Variants in ARB2A observed in about 807,000 individuals in gnomAD.
The protein encoded by ARB2A is cotranscriptional regulator ARB2A.
chr5:93,620,185 A>G, the ARB2A span: 2 of 152,240 alleles, frequency 1.3e-5, no homozygotes, highest in African/African-American at 4.8e-5. Flanking sequence ...TCCATTGAAA[A>G]TGGGACCTTC....
the ARB2A span, chr5:93,881,531 T>C: frequency 3.1e-6 from 5 of 1,611,010 alleles, no homozygotes; most frequent in Non-Finnish European, 4.2e-6. Context: ...CTCATAGAAA[T>C]CACGTCGCTT....
the ARB2A span, among the ~76,000 whole-genome samples, chr5:93,974,915 CAAA>C: frequency 6.6e-6 from 1 of 152,046 alleles, no homozygotes; most frequent in East Asian, 1.9e-4. Context: ...AAGTAAAAAT[CAAA>C]AAATTCTTTT....
the ARB2A span, among the ~76,000 whole-genome samples, chr5:93,789,804 C>T: frequency 6.6e-6 from 1 of 152,168 alleles, no homozygotes; most frequent in African/African-American, 2.4e-5. Context: ...CAGAATGCTA[C>T]TAAGAGAACA....
At chr5:93,722,274 C>T in the ARB2A span, among the ~76,000 whole-genome samples, 1 of 152,010 alleles carries the variant, frequency 6.6e-6, no homozygotes, top group African/African-American at 2.4e-5. Flanking sequence ...GTTCAGTGAC[C>T]TAGATAATCT....
At chr5:93,919,579 T>C in the ARB2A span, among the ~76,000 whole-genome samples, 1 of 152,196 alleles carries the variant, frequency 6.6e-6, no homozygotes, top group Non-Finnish European at 1.5e-5. Flanking sequence ...CAATCATTTA[T>C]AGCCCAAATG....
At chr5:93,929,324 A>G in the ARB2A span, among the ~76,000 whole-genome samples, 1 of 152,196 alleles carries the variant, frequency 6.6e-6, no homozygotes, top group Non-Finnish European at 1.5e-5. Flanking sequence ...GGCAAGTAGT[A>G]TGAAGCCAAA....
At chr5:93,955,879 G>C in the ARB2A span, among the ~76,000 whole-genome samples, 5 of 152,160 alleles carry the variant, frequency 3.3e-5, no homozygotes, top group Non-Finnish European at 7.3e-5. Flanking sequence ...CATGAATAGA[G>C]TTTCCTGCTT....
the ARB2A span, among the ~76,000 whole-genome samples, chr5:93,869,969 G>A: frequency 6.6e-6 from 1 of 152,214 alleles, no homozygotes; most frequent in Non-Finnish European, 1.5e-5. Context: ...AGCCTGTTTG[G>A]TGGTCTCTTC....
the ARB2A span, among the ~76,000 whole-genome samples, chr5:93,816,006 T>C: frequency 2.0e-5 from 3 of 152,198 alleles, no homozygotes; most frequent in Admixed American, 2.0e-4. Flanking sequence ...TCCACTCTTG[T>C]TCTCTCAAGC....
chr5:94,058,842 T>C, the ARB2A span, among the ~76,000 whole-genome samples: 1 of 152,134 alleles, frequency 6.6e-6, no homozygotes, highest in African/African-American at 2.4e-5. Flanking sequence ...GAGGTGGCCC[T>C]AGTGGGAGGT....
At chr5:93,678,847 C>T in the ARB2A span, among the ~76,000 whole-genome samples, 5 of 152,012 alleles carry the variant, frequency 3.3e-5, no homozygotes, top group East Asian at 5.8e-4. Context: ...GTAAATATTA[C>T]CAACAGGGAC....
the ARB2A span, among the ~76,000 whole-genome samples, chr5:93,858,963 G>C: frequency 6.6e-6 from 1 of 152,032 alleles, no homozygotes; most frequent in African/African-American, 2.4e-5. Flanking sequence ...GGAAGGAAGA[G>C]GATAGAAGAT....
the ARB2A span, among the ~76,000 whole-genome samples, chr5:93,870,697 T>C: frequency 1.3e-5 from 2 of 152,212 alleles, no homozygotes; most frequent in Non-Finnish European, 2.9e-5. Context: ...TACCAAACTA[T>C]ACTAGTAGTC....
the ARB2A span, among the ~76,000 whole-genome samples, chr5:94,007,585 C>A: frequency 1.3e-5 from 2 of 152,068 alleles, no homozygotes; most frequent in Non-Finnish European, 2.9e-5. Context: ...CCAGCCTTGC[C>A]AGCATGGTGA....
chr5:93,851,918 G>A, the ARB2A span, among the ~76,000 whole-genome samples: 1 of 152,162 alleles, frequency 6.6e-6, no homozygotes, highest in African/African-American at 2.4e-5. Context: ...AAACATACAA[G>A]TGCATGTGTC....
At chr5:93,836,418 C>T in the ARB2A span, among the ~76,000 whole-genome samples, 8 of 152,214 alleles carry the variant, frequency 5.3e-5, no homozygotes, top group African/African-American at 1.9e-4. Flanking sequence ...GAAAGACACA[C>T]ACAAGGAAAT....
At chr5:93,912,939 T>A in the ARB2A span, among the ~76,000 whole-genome samples, 1 of 151,928 alleles carries the variant, frequency 6.6e-6, no homozygotes, top group African/African-American at 2.4e-5. Flanking sequence ...CATATTACTT[T>A]GGAAAATTTA....
the ARB2A span, among the ~76,000 whole-genome samples, chr5:93,635,459 G>GTTTTTTTTTTTT: frequency 1.7e-4 from 22 of 128,938 alleles, no homozygotes; most frequent in African/African-American, 6.3e-4. Flanking sequence ...TTATACGAAA[G>GTTTTTTTTTTTT]TTTTTTTTTT....
At chr5:94,043,629 T>C in the ARB2A span, among the ~76,000 whole-genome samples, 1 of 152,174 alleles carries the variant, frequency 6.6e-6, no homozygotes, top group Non-Finnish European at 1.5e-5. Flanking sequence ...ATACTTTACC[T>C]ACACAGTCCC....
Sources: allele counts gnomAD v4.1 joint callset (sites outside exome capture counted in the v4.1 genomes callset), GRCh38; gene constraint gnomAD v4.1.1; transcripts MANE v1.5; gene names NCBI Gene and HGNC (gene_info 2026-07-23, HGNC 2026-07-21).